The following EEIG2 variants were observed in gnomAD, a reference collection of about 807,000 sequenced individuals.
EEIG2 encodes the protein family with sequence similarity 102 member B.
the EEIG2 span, among the ~76,000 whole-genome samples, chr1:108,592,096 T>C: frequency 6.6e-6 from 1 of 152,106 alleles, no homozygotes; most frequent in African/African-American, 2.4e-5. Context: ...CTGGTAGCAA[T>C]GAGGAAGATA....
the EEIG2 span, among the ~76,000 whole-genome samples, chr1:108,560,748 TC>T: frequency 4.6e-5 from 7 of 152,076 alleles, no homozygotes; most frequent in Non-Finnish European, 7.4e-5. Flanking sequence ...GTTCCTGCGC[TC>T]CTGACTCCAG....
At chr1:108,574,510 G>A in the EEIG2 span, among the ~76,000 whole-genome samples, 141 of 152,358 alleles carry the variant, frequency 9.3e-4, 3 homozygotes, top group Middle Eastern at 3.4e-3. Flanking sequence ...CAGCACTTTG[G>A]GAGGCCAAGG....
chr1:108,626,369 T>TCC, the EEIG2 span: 1 of 152,146 alleles, frequency 6.6e-6, no homozygotes, highest in Admixed American at 6.5e-5. Context: ...TATTTCTGTA[T>TCC]CCCCAGCAGA....
the EEIG2 span, among the ~76,000 whole-genome samples, chr1:108,597,788 A>G: frequency 5.0e-4 from 76 of 152,342 alleles, 1 homozygote; most frequent in Non-Finnish European, 3.2e-4. Flanking sequence ...TCAACCTGCC[A>G]TGTTTAACTA....
chr1:108,575,003 G>A, the EEIG2 span, among the ~76,000 whole-genome samples: 3 of 152,108 alleles, frequency 2.0e-5, no homozygotes, highest in Admixed American at 6.5e-5. Flanking sequence ...CAACTAATGC[G>A]ATTTAGTAGA....
chr1:108,593,093 G>A, the EEIG2 span, among the ~76,000 whole-genome samples: 1 of 152,192 alleles, frequency 6.6e-6, no homozygotes, highest in East Asian at 1.9e-4. Context: ...GAGAGGTGGA[G>A]TTTGCAGTGA....
chr1:108,618,348 G>A, the EEIG2 span, among the ~76,000 whole-genome samples: 5 of 152,176 alleles, frequency 3.3e-5, no homozygotes, highest in Admixed American at 1.3e-4. Flanking sequence ...GCTCATTGAA[G>A]AGCAAGGACA....
the EEIG2 span, chr1:108,635,779 C>A: frequency 6.6e-6 from 1 of 152,156 alleles, no homozygotes; most frequent in South Asian, 2.1e-4. Flanking sequence ...GTCAGAGATA[C>A]GTGAATGGAT....
At chr1:108,595,596 TGTA>T in the EEIG2 span, among the ~76,000 whole-genome samples, 9 of 116,780 alleles carry the variant, frequency 7.7e-5, no homozygotes, top group African/African-American at 1.7e-4. Context: ...GGGAGGGAGA[TGTA>T]GTAGCTTTTA....
At chr1:108,605,361 A>ACCCT in the EEIG2 span, among the ~76,000 whole-genome samples, 1 of 152,220 alleles carries the variant, frequency 6.6e-6, no homozygotes, top group Non-Finnish European at 1.5e-5. Context: ...AAGGGGAGGA[A>ACCCT]CAGCAAATAT....
the EEIG2 span, among the ~76,000 whole-genome samples, chr1:108,567,717 G>A: frequency 6.6e-6 from 1 of 152,206 alleles, no homozygotes; most frequent in African/African-American, 2.4e-5. Context: ...AATGCAGCGA[G>A]GCATTTTTAT....
At chr1:108,633,596 G>T in the EEIG2 span, among the ~76,000 whole-genome samples, 1 of 152,164 alleles carries the variant, frequency 6.6e-6, no homozygotes, top group Non-Finnish European at 1.5e-5. Flanking sequence ...CAAGAAGTCT[G>T]CCTGTATTTT....
At chr1:108,597,576 C>T in the EEIG2 span, among the ~76,000 whole-genome samples, 1 of 152,152 alleles carries the variant, frequency 6.6e-6, no homozygotes, top group Non-Finnish European at 1.5e-5. Flanking sequence ...GACTTCAAAA[C>T]CTGTTTAAGT....
At chr1:108,625,094 C>G in the EEIG2 span, 35 of 197,956 alleles carry the variant, frequency 1.8e-4, no homozygotes, top group Admixed American at 2.8e-4. Flanking sequence ...CCATGAATCG[C>G]TTTCCCTCTG....
chr1:108,601,235 G>A, the EEIG2 span, among the ~76,000 whole-genome samples: 1 of 151,738 alleles, frequency 6.6e-6, no homozygotes, highest in Admixed American at 6.6e-5. Context: ...AAAAAAAATG[G>A]TAATTTCATA....
chr1:108,573,822 T>G, the EEIG2 span, among the ~76,000 whole-genome samples: 1 of 152,122 alleles, frequency 6.6e-6, no homozygotes, highest in Non-Finnish European at 1.5e-5. Flanking sequence ...AAAACCACAG[T>G]GAGGTATCAC....
chr1:108,580,461 G>A, the EEIG2 span, among the ~76,000 whole-genome samples: 3 of 152,194 alleles, frequency 2.0e-5, no homozygotes, highest in East Asian at 5.8e-4. Flanking sequence ...AGCTTAGTGA[G>A]GAAGGCATGT....
At chr1:108,629,675 T>C in the EEIG2 span, 4 of 1,584,248 alleles carry the variant, frequency 2.5e-6, no homozygotes, top group East Asian at 6.7e-5. Context: ...GTACAAATAG[T>C]GTCTTATTAA....
chr1:108,628,748 A>T, the EEIG2 span: 1 of 1,613,480 alleles, frequency 6.2e-7, no homozygotes, highest in Non-Finnish European at 8.5e-7. Context: ...GATGCAGATG[A>T]CATTGTAGAG....
Sources: allele counts gnomAD v4.1 joint callset (sites outside exome capture counted in the v4.1 genomes callset), GRCh38; gene constraint gnomAD v4.1.1; transcripts MANE v1.5; gene names NCBI Gene and HGNC (gene_info 2026-07-23, HGNC 2026-07-21).